C3orf49: variants seen among roughly 807,000 people sequenced by gnomAD.
The protein encoded by C3orf49 is putative uncharacterized protein C3orf49.
In C3orf49, 27 loss-of-function variants were observed where a neutral mutation model predicts 13.3. The observed-to-expected ratio is 2.02, with a 90% CI of 1.49 to 2.79. C3orf49 has a LOEUF of 2.79. Among genes scored for constraint, C3orf49 ranks in the 30% most tolerant of loss-of-function variants. The pLI, the probability that C3orf49 is intolerant of heterozygous loss-of-function variation, is 0.00. For synonymous variants in C3orf49, 87 were observed against 47.6 expected (o/e 1.83, Z -3.40); for missense variants, 242 against 134.2 (o/e 1.80, Z -3.97).
rs1701476628 is a variant in C3orf49 at position 63,827,376 on chromosome 3, TG to T, written c.446-222del. Reference sequence around the variant, plus strand: ...GAGAGGTGGCTACCTTGTCAAAGACTGGGTTGGTGTCCACTGAGGTCATGAC... The same window carrying T: ...GAGAGGTGGCTACCTTGTCAAAGACTGGTTGGTGTCCACTGAGGTCATGAC... On this transcript the variant is annotated intron_variant, in intron 2 of 6. Transcript: ENST00000295896. The T allele has an allele frequency of 1.9e-5, 7 of 365,184 alleles. No individual in the cohort carries two copies. The South Asian group carries it at 6.4e-4, about 33-fold the overall frequency. The allele number at this position is 365,184 out of a possible 1,614,324, so 22.6% of individuals were successfully genotyped here.
At chr3:63,793,052 A>G in the C3orf49 span, among the ~76,000 whole-genome samples, 1 of 151,918 alleles carries the variant, frequency 6.6e-6, no homozygotes, top group Non-Finnish European at 1.5e-5. Context: ...ATGGGTTCCC[A>G]CTCCTTTCAC....
the C3orf49 span, among the ~76,000 whole-genome samples, chr3:63,783,619 G>A: frequency 6.6e-6 from 1 of 151,838 alleles, no homozygotes; most frequent in Non-Finnish European, 1.5e-5. Context: ...TTGGGAGGCT[G>A]AGGCACGAGA....
the C3orf49 span, among the ~76,000 whole-genome samples, chr3:63,801,907 T>G: frequency 6.6e-6 from 1 of 152,196 alleles, no homozygotes; most frequent in African/African-American, 2.4e-5. Flanking sequence ...TTTTGCTCCC[T>G]AGCATCTTAC....
the C3orf49 span, among the ~76,000 whole-genome samples, chr3:63,812,077 T>C: frequency 1.3e-5 from 2 of 152,132 alleles, no homozygotes; most frequent in Non-Finnish European, 2.9e-5. Context: ...TCTGCCTATC[T>C]GGGAATGTGG....
At chr3:63,841,901 C>T (rs1701768605) in intron 5 of C3orf49, among the ~76,000 whole-genome samples, 4 of 152,158 alleles carry the variant, frequency 2.6e-5, no homozygotes, top group Admixed American at 2.6e-4. Context: ...CTAGTCTTAT[C>T]TGTGTTCTTC....
intron 2 of C3orf49, among the ~76,000 whole-genome samples, chr3:63,823,821 G>T (rs1021083908): frequency 1.0e-4 from 14 of 136,788 alleles, no homozygotes; most frequent in Non-Finnish European, 1.9e-4. Context: ...TGTGTGTTTA[G>T]ATGGAATCTC....
chr3:63,815,470 T>C (rs1440391468), upstream of C3orf49, among the ~76,000 whole-genome samples: 1 of 152,176 alleles, frequency 6.6e-6, no homozygotes, highest in South Asian at 2.1e-4. Context: ...TTTAAAAACG[T>C]ATGCATAACT....
chr3:63,798,958 C>A, the C3orf49 span, among the ~76,000 whole-genome samples: 10 of 152,096 alleles, frequency 6.6e-5, no homozygotes, highest in Admixed American at 6.6e-4. Flanking sequence ...TCTAGTAAGT[C>A]ATTTTGATTG....
intron 5 of C3orf49, chr3:63,833,927 A>G (rs1352769914): frequency 6.2e-6 from 3 of 485,000 alleles, no homozygotes; most frequent in Non-Finnish European, 1.1e-5. Flanking sequence ...CCACTTAAGA[A>G]TAAAAAATGC....
intron 5 of C3orf49, 116 bp downstream of exon 5, chr3:63,831,960 C>T (rs553259593): frequency 1.9e-5 from 11 of 585,666 alleles, no homozygotes; most frequent in East Asian, 1.7e-4. Flanking sequence ...TTTGGGAGGC[C>T]GAGCGAGTGG....
Position 63,819,427 on chromosome 3 carries a change from A to G in C3orf49, c.-45A>G. On this transcript the variant is annotated 5_prime_UTR_variant, in exon 1 of 7. Coordinates refer to ENST00000295896, the MANE Select transcript of C3orf49 (RefSeq NM_001355236.2). ...TTGTATTGAAGTCTGTAAGTTCAAG[A>G]ACTAAAACAATCCAAAACGGCTACT... 1 of 699,214 alleles carries G rather than the reference A, an allele frequency of 1.4e-6. No individual in the cohort carries two copies. The highest frequency in any genetic ancestry group is 2.6e-6 in the Non-Finnish European group (1 of 383,184). 43.3% of individuals were successfully genotyped at this position (699,214 alleles called of 1,614,324 possible). A position where few individuals can be genotyped will look rare whatever the true frequency, so the allele number is the denominator to read the frequency against.
intron 3 of C3orf49, among the ~76,000 whole-genome samples, chr3:63,830,317 T>A (rs1701516096): frequency 6.6e-6 from 1 of 152,238 alleles, no homozygotes; most frequent in Admixed American, 6.5e-5. Context: ...AAGAGGGGTC[T>A]TACTTTAGAT....
At chr3:63,816,118 T>C (rs532745911), upstream of C3orf49, among the ~76,000 whole-genome samples, 8 of 151,632 alleles carry the variant, frequency 5.3e-5, no homozygotes, top group Non-Finnish European at 8.8e-5. Flanking sequence ...TTTAATTCTT[T>C]TTTCTTTGTT....
intron 5 of C3orf49, among the ~76,000 whole-genome samples, chr3:63,835,950 T>C (rs1701624544): frequency 6.6e-6 from 1 of 152,076 alleles, no homozygotes; most frequent in South Asian, 2.1e-4. Context: ...TTAAATATAA[T>C]TTAAAGTTTA....
chr3:63,832,349 A>T (rs1701545950), intron 5 of C3orf49, among the ~76,000 whole-genome samples: 1 of 152,078 alleles, frequency 6.6e-6, no homozygotes, highest in African/African-American at 2.4e-5. Context: ...TTAAAAAATA[A>T]ATATCTTTTT....
intron 5 of C3orf49, among the ~76,000 whole-genome samples, chr3:63,839,084 G>A (rs961635790): frequency 2.0e-5 from 3 of 152,084 alleles, no homozygotes; most frequent in Admixed American, 2.0e-4. Context: ...CAGCTACTCA[G>A]GAGGTTGAGG....
chr3:63,847,593 C>T lies in C3orf49; in HGVS notation c.*31-771C>T, dbSNP rs985082056. ...TTCTACCAAAAATACAAAAATTAGC[C>T]GGGTGTGGGGTTGCGTGCCTGTAAT... On this transcript the variant is annotated intron_variant, in intron 6 of 6. Transcript: ENST00000295896. 3.9e-5 allele frequency among the ~76,000 whole-genome samples: 6 copies of T among 152,028 alleles called. No individual in the cohort carries two copies. In the South Asian group the frequency reaches 8.3e-4, roughly 21 times the overall value.
intron 3 of C3orf49, among the ~76,000 whole-genome samples, chr3:63,828,658 C>CTAT (rs899082949): frequency 3.3e-5 from 5 of 152,018 alleles, no homozygotes; most frequent in Non-Finnish European, 7.4e-5. Flanking sequence ...GAACCATGAA[C>CTAT]TATTATTATT....
chr3:63,845,119 T>C (rs1456861818), intron 6 of C3orf49, 37 bp downstream of exon 6: 2 of 678,108 alleles, frequency 2.9e-6, no homozygotes, highest in Non-Finnish European at 5.4e-6. Flanking sequence ...TGGGGGGTAC[T>C]ATCTCCTTCA....
Sources: allele counts gnomAD v4.1 joint callset (sites outside exome capture counted in the v4.1 genomes callset), GRCh38; gene constraint gnomAD v4.1.1; transcripts MANE v1.5; gene names NCBI Gene and HGNC (gene_info 2026-07-23, HGNC 2026-07-21).